Variants in FAM174A observed in about 807,000 individuals in gnomAD.
FAM174A encodes family with sequence similarity 174 member A.
Under a neutral mutation model 14.3 loss-of-function variants are expected in FAM174A, and 14 were observed. The ratio of observed to expected loss-of-function variants is 0.98; its 90% confidence interval spans 0.65 to 1.53. FAM174A has a LOEUF of 1.53. FAM174A is among the 40% of genes most tolerant of loss of function. The pLI, the probability that FAM174A is intolerant of heterozygous loss-of-function variation, is 0.00. For missense variants in FAM174A, 241 were observed against 249.6 expected, an observed-to-expected ratio of 0.97 and a Z score of 0.23; for synonymous variants, 108 against 111.4, an observed-to-expected ratio of 0.97 and a Z score of 0.19.
chr5:100,547,265 C>T (rs2112369766), intron 1 of FAM174A, among the ~76,000 whole-genome samples: 1 of 152,140 alleles, frequency 6.6e-6, no homozygotes, highest in East Asian at 1.9e-4. Flanking sequence ...TTTCTGAGGA[C>T]TAGGGACAGT....
At chr5:100,571,704 C>T (rs1178705074) in intron 2 of FAM174A, among the ~76,000 whole-genome samples, 8 of 119,826 alleles carry the variant, frequency 6.7e-5, no homozygotes, top group African/African-American at 2.1e-4. Flanking sequence ...ACACACACAC[C>T]CTATTACTTT....
At chr5:100,555,704 T>G (rs1746363191) in intron 1 of FAM174A, among the ~76,000 whole-genome samples, 1 of 152,234 alleles carries the variant, frequency 6.6e-6, no homozygotes, top group Non-Finnish European at 1.5e-5. Context: ...TTTTCATGTG[T>G]GTGTGTTGGC....
Position 100,535,510 on chromosome 5 carries a change from TGAGA to T in FAM174A, c.-17_-14del. 1.2e-6 allele frequency: 2 copies of T among 1,604,578 alleles called. No individual in the cohort carries two copies. The highest frequency in any genetic ancestry group is 1.7e-6 in the Non-Finnish European group (2 of 1,175,266). ...GGCGGGCCTGGCGGCTCCCGGGTGGTGAGAGAGCGGTCCGGGAACGATGAAGGCC... is the reference window on the plus strand; with the variant it reads ...GGCGGGCCTGGCGGCTCCCGGGTGGTGAGCGGTCCGGGAACGATGAAGGCC... On this transcript the variant is annotated 5_prime_UTR_variant, in exon 1 of 3. Transcript: ENST00000312637.
At chr5:100,536,348 CAG>C (rs1369028931) in intron 1 of FAM174A, among the ~76,000 whole-genome samples, 1 of 152,146 alleles carries the variant, frequency 6.6e-6, no homozygotes. Flanking sequence ...TTTTGCCAAT[CAG>C]AATGCAAACT....
chr5:100,553,486 A>T (rs1173594430), intron 1 of FAM174A, among the ~76,000 whole-genome samples: 1 of 152,080 alleles, frequency 6.6e-6, no homozygotes, highest in African/African-American at 2.4e-5. Context: ...ACTGCCTATA[A>T]CTTTGGACTG....
chr5:100,561,265 C>T (rs1436101548), intron 1 of FAM174A, among the ~76,000 whole-genome samples: 1 of 151,938 alleles, frequency 6.6e-6, no homozygotes, highest in Non-Finnish European at 1.5e-5. Context: ...GCCAGTGGTT[C>T]TCAAACTTGA....
intron 2 of FAM174A, among the ~76,000 whole-genome samples, chr5:100,564,801 T>C (rs1332097662): frequency 1.3e-5 from 2 of 151,766 alleles, no homozygotes; most frequent in African/African-American, 4.8e-5. Flanking sequence ...CCTAGAAACA[T>C]ACAATCTATG....
At chr5:100,567,677 C>T (rs1439055442) in intron 2 of FAM174A, among the ~76,000 whole-genome samples, 1 of 151,568 alleles carries the variant, frequency 6.6e-6, no homozygotes, top group Non-Finnish European at 1.5e-5. Flanking sequence ...AATATGTATA[C>T]AGAAGAATTC....
chr5:100,581,568 TG>T (rs1239417323), intron 2 of FAM174A, among the ~76,000 whole-genome samples: 5 of 147,006 alleles, frequency 3.4e-5, no homozygotes, highest in African/African-American at 1.4e-4. Flanking sequence ...CGCTTAAGGC[TG>T]GAAGACCATG....
At chr5:100,571,672 G>GTGTGTATA (rs1554047761) in intron 2 of FAM174A, among the ~76,000 whole-genome samples, 24 of 136,646 alleles carry the variant, frequency 1.8e-4, no homozygotes, top group African/African-American at 6.2e-4. Flanking sequence ...GTGTGTGTGT[G>GTGTGTATA]TATATATATA....
intron 2 of FAM174A, among the ~76,000 whole-genome samples, chr5:100,573,502 G>A (rs1486083248): frequency 6.6e-6 from 1 of 152,016 alleles, no homozygotes; most frequent in Non-Finnish European, 1.5e-5. Flanking sequence ...AAAATACCTA[G>A]GAATACAACT....
intron 2 of FAM174A, among the ~76,000 whole-genome samples, chr5:100,566,802 A>T (rs1434403487): frequency 1.3e-5 from 2 of 151,920 alleles, no homozygotes; most frequent in Non-Finnish European, 1.5e-5. Flanking sequence ...GTTGTAATCT[A>T]TGCTAATCAT....
chr5:100,558,732 T>G (rs927373870), intron 1 of FAM174A, among the ~76,000 whole-genome samples: 1 of 152,158 alleles, frequency 6.6e-6, no homozygotes, highest in Non-Finnish European at 1.5e-5. Context: ...TGGTTTAAAG[T>G]CTGTTTTATC....
At chr5:100,565,492 A>C (rs959177897) in intron 2 of FAM174A, among the ~76,000 whole-genome samples, 3 of 151,818 alleles carry the variant, frequency 2.0e-5, no homozygotes, top group Non-Finnish European at 2.9e-5. Flanking sequence ...CAAAAATCTC[A>C]CATAATCTGA....
chr5:100,564,264 T>G (rs550880849), intron 2 of FAM174A, among the ~76,000 whole-genome samples: 1 of 150,978 alleles, frequency 6.6e-6, no homozygotes, highest in East Asian at 1.9e-4. Flanking sequence ...ACTAATACAC[T>G]GAACAACACA....
chr5:100,567,159 A>C (rs961747570), intron 2 of FAM174A, among the ~76,000 whole-genome samples: 2 of 151,892 alleles, frequency 1.3e-5, no homozygotes, highest in African/African-American at 4.8e-5. Flanking sequence ...GATAAGAATG[A>C]AATCATCTTG....
At chr5:100,574,162 C>T (rs1417051400) in intron 2 of FAM174A, among the ~76,000 whole-genome samples, 1 of 150,604 alleles carries the variant, frequency 6.6e-6, no homozygotes, top group Non-Finnish European at 1.5e-5. Context: ...TACAGTTCCG[C>T]AGATTTCCAA....
intron 1 of FAM174A, among the ~76,000 whole-genome samples, chr5:100,543,991 A>G (rs79216058): frequency 0.022 from 3,389 of 152,130 alleles, 137 homozygotes; most frequent in African/African-American, 0.078. Flanking sequence ...TCTTTTCTAC[A>G]CTGTTTGCTT....
chr5:100,542,907 TATATATATGTGTGTGTGTA>T (rs1746090297), intron 1 of FAM174A, among the ~76,000 whole-genome samples: 1 of 151,748 alleles, frequency 6.6e-6, no homozygotes, highest in Admixed American at 6.6e-5. Context: ...TGTGTGTGTG[TATATATATGTGTGTGTGTA>T]ATATATATGT....
Sources: allele counts gnomAD v4.1 joint callset (sites outside exome capture counted in the v4.1 genomes callset), GRCh38; gene constraint gnomAD v4.1.1; transcripts MANE v1.5; gene names NCBI Gene and HGNC (gene_info 2026-07-23, HGNC 2026-07-21).